Variants in CNDP2 observed in about 807,000 individuals in gnomAD.
CNDP2 encodes cytosolic non-specific dipeptidase.
CNDP2 carries 38 observed loss-of-function variants against 55.0 expected under a neutral mutation model. The ratio of observed to expected loss-of-function variants is 0.69; its 90% confidence interval spans 0.53 to 0.90. CNDP2 has a LOEUF of 0.90. Among genes scored for constraint, CNDP2 ranks in the 40% least tolerant of loss-of-function variants. CNDP2 has a pLI of 0.00. For synonymous variants in CNDP2, 241 were observed against 260.2 expected (o/e 0.93, Z 0.71); for missense variants, 607 against 621.7 (o/e 0.98, Z 0.25).
intron 3 of CNDP2, among the ~76,000 whole-genome samples, chr18:74,503,420 G>A (rs557670083): frequency 6.6e-6 from 1 of 152,368 alleles, no homozygotes; most frequent in Admixed American, 6.5e-5. Context: ...GAAGGTGGAA[G>A]TGGGTGTTTT....
rs17089363 is a variant in CNDP2, at chr18:74,518,683, G to A, written c.1210+43G>A. 3,140 of 1,612,252 alleles carry A rather than the reference G, an allele frequency of 1.9e-3. 39 individuals carry two copies. The African/African-American group carries it at 0.024, about 13-fold the overall frequency. Reference sequence around the variant, plus strand: ...TGGATGATGCCGCGCAGGGCCCTTCGCACGTCTGACAGGACTCTGCTATAT... The same window carrying A: ...TGGATGATGCCGCGCAGGGCCCTTCACACGTCTGACAGGACTCTGCTATAT... On this transcript the variant is annotated intron_variant, in intron 10 of 11. Coordinates refer to ENST00000324262, the MANE Select transcript of CNDP2 (RefSeq NM_018235.3).
rs199677786 is a variant in CNDP2, at chr18:74,519,982, G to A, written c.1359-17G>A. ...TCACGACACCAGCCAACACAATGAT[G>A]TGTTCCTCTCTACCAGGTATAACTA... On this transcript the variant is annotated splice_polypyrimidine_tract_variant and intron_variant, in intron 11 of 11. Coordinates refer to ENST00000324262, the MANE Select transcript of CNDP2 (RefSeq NM_018235.3). 2.7e-5 allele frequency: 43 copies of A among 1,612,760 alleles called. No individual in the cohort carries two copies. Among genetic ancestry groups the A allele is most frequent in the East Asian group, 8.9e-5 (4 of 44,844 alleles).
Position 74,516,353 on chromosome 18 carries a change from G to T in CNDP2, c.1029G>T (p.Arg343Ser). ...PRKVVGKFSI[R>S]LVPNMTPEVV... The stretch of plus-strand genomic sequence containing the variant: ...AGGTGGTTGGCAAGTTCTCCATCAG[G>T]CTCGTGCCGAACATGACTCCTGAAG... Residue 343 changes from arginine to serine, a missense_variant, in exon 9 of 12, where the codon AGG becomes AGT. Transcript: ENST00000324262. 6.2e-7 allele frequency: 1 copy of T among 1,613,888 alleles called. No individual in the cohort carries two copies. The highest frequency in any genetic ancestry group is 8.5e-7 in the Non-Finnish European group (1 of 1,179,882).
intron 3 of CNDP2, among the ~76,000 whole-genome samples, chr18:74,503,900 C>T (rs532507067): frequency 4.1e-5 from 6 of 147,598 alleles, no homozygotes; most frequent in Non-Finnish European, 7.4e-5. Flanking sequence ...TCAGGCCACA[C>T]GCCACACACG....
rs765835642 is a variant in CNDP2 at position 74,505,857 on chromosome 18, T to G, written c.213T>G (p.Asp71Glu). The change falls in exon 4 of 12, where the codon GAT becomes GAG. Residue 71 changes from aspartate to glutamate, a missense_variant. By Grantham distance (45) the Asp-to-Glu change is conservative. Coordinates refer to ENST00000324262, the MANE Select transcript of CNDP2 (RefSeq NM_018235.3). The stretch of plus-strand genomic sequence containing the variant: ...TTCCTCTCCATGCTCAGCTCCCTGA[T>G]GGCTCGGAGATCCCGCTCCCTCCTA... ...LVDIGKQKLP[D>E]GSEIPLPPIL... The G allele has an allele frequency of 6.2e-7, 1 of 1,612,360 alleles. No homozygotes were observed. The highest frequency in any genetic ancestry group is 2.2e-5 in the East Asian group (1 of 44,796).
intron 9 of CNDP2, 120 bp from the exon 10 acceptor site, chr18:74,518,379 C>T (rs1039234500): frequency 9.2e-7 from 1 of 1,092,708 alleles, no homozygotes; most frequent in Middle Eastern, 2.2e-4. Flanking sequence ...CATCACAGAC[C>T]TGTCAGAGGC....
chr18:74,506,055 CTT>C, intron 4 of CNDP2, 44 bp downstream of exon 4: 1 of 1,505,280 alleles, frequency 6.6e-7, no homozygotes, highest in Admixed American at 2.5e-5. Flanking sequence ...AAGGCACTGA[CTT>C]TTGGAAAGTC....
chr18:74,496,805 C>T (rs948588499), intron 1 of CNDP2, among the ~76,000 whole-genome samples: 1 of 152,198 alleles, frequency 6.6e-6, no homozygotes, highest in African/African-American at 2.4e-5. Flanking sequence ...GAGCCGAGCG[C>T]TGGTCAGGCC....
chr18:74,502,970 G>A (rs1434278405), intron 3 of CNDP2, among the ~76,000 whole-genome samples: 1 of 151,842 alleles, frequency 6.6e-6, no homozygotes, highest in East Asian at 1.9e-4. Context: ...TTGACTTAGG[G>A]TATATTATAG....
chr18:74,518,667 C>A, intron 10 of CNDP2, 27 bp downstream of exon 10: 1 of 1,613,276 alleles, frequency 6.2e-7, no homozygotes, highest in Non-Finnish European at 8.5e-7. Context: ...GTGGATGATG[C>A]CGCGCAGGGC....
At chr18:74,518,881 G>T in intron 10 of CNDP2, 68 bp from the exon 11 acceptor site, 1 of 1,598,784 alleles carries the variant, frequency 6.3e-7, no homozygotes, top group South Asian at 1.1e-5. Context: ...ACTGAGTAGT[G>T]GTCTGAGACA....
chr18:74,519,448 G>A (rs1266577711), intron 11 of CNDP2, among the ~76,000 whole-genome samples: 1 of 152,194 alleles, frequency 6.6e-6, no homozygotes, highest in East Asian at 1.9e-4. Context: ...TTGGGCGGAC[G>A]TGATGGGAAT....
chr18:74,515,983 G>C (rs931760383), intron 8 of CNDP2, among the ~76,000 whole-genome samples: 12 of 152,208 alleles, frequency 7.9e-5, no homozygotes, highest in Admixed American at 5.9e-4. Flanking sequence ...AGCCACCCAC[G>C]CTGCAGCGAC....
rs747666636 is a variant in CNDP2, at chr18:74,501,335, G to A, written c.67G>A (p.Ala23Thr). 8 of 1,612,038 alleles carry A rather than the reference G, an allele frequency of 5.0e-6. No homozygotes were observed. The highest frequency in any genetic ancestry group is 1.1e-5 in the South Asian group (1 of 90,850). ...GCTTCTTGTCCACAAACAGAAACTCGCAAAATGGGTGGCTATCCAGAGTGT... is the reference window on the plus strand; with the variant it reads ...GCTTCTTGTCCACAAACAGAAACTCACAAAATGGGTGGCTATCCAGAGTGT... The part of the protein sequence containing the change: ...ENQDRYIKKL[A>T]KWVAIQSVSA... The change falls in exon 3 of 12, where the codon GCA (alanine) becomes ACA (threonine). Residue 23 changes from alanine to threonine, a missense_variant. Coordinates refer to ENST00000324262, the MANE Select transcript of CNDP2 (RefSeq NM_018235.3).
intron 8 of CNDP2, 134 bp downstream of exon 8, chr18:74,513,853 C>T (rs935638130): frequency 3.4e-6 from 3 of 880,886 alleles, no homozygotes; most frequent in Admixed American, 2.9e-5. Flanking sequence ...ACATGAGTCA[C>T]TCAGAAAGCA....
chr18:74,518,310 T>C (rs1979824640), intron 9 of CNDP2, 189 bp from the exon 10 acceptor site: 3 of 545,120 alleles, frequency 5.5e-6, no homozygotes, highest in Non-Finnish European at 9.7e-6. Context: ...CTTACTCTAG[T>C]TATGTAGCTC....
intron 4 of CNDP2, among the ~76,000 whole-genome samples, chr18:74,506,626 T>G (rs1264977729): frequency 6.6e-6 from 1 of 152,210 alleles, no homozygotes; most frequent in Non-Finnish European, 1.5e-5. Flanking sequence ...CTGAAAAGCC[T>G]GTCCCCTTGT....
intron 8 of CNDP2, among the ~76,000 whole-genome samples, chr18:74,514,007 C>A (rs968118488): frequency 6.6e-6 from 1 of 152,204 alleles, no homozygotes; most frequent in Non-Finnish European, 1.5e-5. Context: ...TATAGAGTAA[C>A]CTCCTTACCG....
At position 74,505,965 on chromosome 18, in the gene CNDP2, G is replaced by C; in HGVS notation, c.321G>C (p.Leu107=). The change falls in exon 4 of 12, where the codon CTG becomes CTC. Residue 107 remains leucine (L), a synonymous_variant. Coordinates refer to ENST00000324262, the MANE Select transcript of CNDP2 (RefSeq NM_018235.3). ...YGHLDVQPAA[L]EDGWDSEPFT... is the part of the protein sequence containing the mutation. Reference sequence around the variant, plus strand: ...ACCTGGATGTGCAGCCTGCAGCCCTGGAGGACGGCTGGGACAGCGAGCCCT... The same window carrying C: ...ACCTGGATGTGCAGCCTGCAGCCCTCGAGGACGGCTGGGACAGCGAGCCCT... 1 of 1,609,310 alleles carries C rather than the reference G, an allele frequency of 6.2e-7. No individual in the cohort carries two copies. Among genetic ancestry groups the C allele is most frequent in the Non-Finnish European group, 8.5e-7 (1 of 1,178,670 alleles).
Sources: gnomAD v4.1 joint callset for allele counts (sites outside exome capture counted in the v4.1 genomes callset) on GRCh38, gnomAD v4.1.1 for gene constraint, MANE v1.5 for transcripts, NCBI Gene and HGNC (gene_info 2026-07-23, HGNC 2026-07-21) for gene names.